FAM186B: variants seen among roughly 807,000 people sequenced by gnomAD.
FAM186B encodes family with sequence similarity 186 member B, also known as protein FAM186B.
FAM186B carries 68 observed loss-of-function variants against 83.4 expected under a neutral mutation model. That is an observed-to-expected ratio of 0.81 (90% CI 0.67 to 1.00). FAM186B has a LOEUF of 1.00. FAM186B is among the 50% of genes least tolerant of loss of function. The pLI is 0.00. For missense variants in FAM186B, 983 were observed against 1,099.2 expected (o/e 0.89, Z 1.49); for synonymous variants, 389 against 422.0 (o/e 0.92, Z 0.96).
chr12:49,591,284 C>T (rs1565805549), intron 5 of FAM186B, among the ~76,000 whole-genome samples: 2 of 152,094 alleles, frequency 1.3e-5, no homozygotes, highest in Non-Finnish European at 2.9e-5. Context: ...AGAGGGGTCC[C>T]GTTAAGTCTC....
At chr12:49,583,083 A>G (rs751894552), downstream of FAM186B, 74 of 456,190 alleles carry the variant, frequency 1.6e-4, no homozygotes, top group Non-Finnish European at 3.5e-5. Flanking sequence ...TTCAGCCACC[A>G]GGCCCCTTAA....
chr12:49,614,920 G>A, the FAM186B span, among the ~76,000 whole-genome samples: 1 of 152,174 alleles, frequency 6.6e-6, no homozygotes, highest in East Asian at 1.9e-4. Flanking sequence ...CACGAGGTCT[G>A]GAGATCGAGA....
Position 49,604,349 on chromosome 12 carries a change from G to T in FAM186B, c.286C>A (p.His96Asn). The change falls in exon 2 of 7, where the codon CAC becomes AAC. Residue 96 changes from histidine (H) to asparagine (N), a missense_variant. Transcript: ENST00000257894. ...AGCCAGCGGAGAATGTCATACAGGTGCTTCTCCTTCATCATAGCATCTTTG... is the reference window on the plus strand; with the variant it reads ...AGCCAGCGGAGAATGTCATACAGGTTCTTCTCCTTCATCATAGCATCTTTG... ...FSKDAMMKEK[H>N]LYDILRWLGD... 1 of 1,614,200 alleles carries T rather than the reference G, an allele frequency of 6.2e-7. No homozygotes were observed. Among genetic ancestry groups the T allele is most frequent in the Non-Finnish European group, 8.5e-7 (1 of 1,180,008 alleles).
chr12:49,600,850 G>C lies in FAM186B; in HGVS notation c.790C>G (p.Leu264Val). 1 of 1,612,876 alleles carries C rather than the reference G, an allele frequency of 6.2e-7. No individual in the cohort carries two copies. Among genetic ancestry groups the C allele is most frequent in the Non-Finnish European group, 8.5e-7 (1 of 1,179,576 alleles). ...AGCTCTTTGGTCGCCTGCATTTGCA[G>C]GTGCCTGTATTTGGTCTCCAGGCTC... ...NRSLETKYRH[L>V]QMQATKELSS... The change falls in exon 4 of 7, where the codon CTG becomes GTG. Residue 264 changes from leucine to valine, a missense_variant. Physicochemically the swap from Leu to Val is conservative, Grantham distance 32. Transcript: ENST00000257894. The surrounding 1 kb of genome is among the most constrained non-coding windows in gnomAD (Gnocchi z 4.3).
downstream of FAM186B, among the ~76,000 whole-genome samples, chr12:49,585,690 A>T (rs1209309494): frequency 6.6e-6 from 1 of 152,290 alleles, no homozygotes; most frequent in South Asian, 2.1e-4. Flanking sequence ...ATGAACCCAG[A>T]TGGGGCTGTG....
chr12:49,596,533 T>G (rs1939731195), intron 5 of FAM186B, among the ~76,000 whole-genome samples: 1 of 151,532 alleles, frequency 6.6e-6, no homozygotes, highest in Admixed American at 6.6e-5. Flanking sequence ...GAAAAGGTGC[T>G]CAGCATCATT....
the FAM186B span, among the ~76,000 whole-genome samples, chr12:49,622,118 T>C: frequency 6.6e-6 from 1 of 152,244 alleles, no homozygotes; most frequent in African/African-American, 2.4e-5. Flanking sequence ...CAATAATAGT[T>C]TGAAAATCGC....
upstream of FAM186B, among the ~76,000 whole-genome samples, chr12:49,609,075 T>C (rs926799680): frequency 2.0e-5 from 3 of 152,132 alleles, no homozygotes; most frequent in Admixed American, 2.0e-4. Context: ...ACAGCCAGAA[T>C]TGTAGAAAGC....
At chr12:49,614,585 A>C in the FAM186B span, among the ~76,000 whole-genome samples, 1 of 152,290 alleles carries the variant, frequency 6.6e-6, no homozygotes, top group South Asian at 2.1e-4. Flanking sequence ...GGGAAGCAGG[A>C]GGGAGAAAAG....
At chr12:49,585,804 CAGGAGCAGG>C (rs1939430275), downstream of FAM186B, among the ~76,000 whole-genome samples, 1 of 152,158 alleles carries the variant, frequency 6.6e-6, no homozygotes, top group African/African-American at 2.4e-5. Context: ...CATGGTGGGC[CAGGAGCAGG>C]TGGCCCGAGA....
chr12:49,588,290 C>T (rs1942371002), intron 6 of FAM186B, among the ~76,000 whole-genome samples, 164 bp downstream of exon 6: 1 of 152,200 alleles, frequency 6.6e-6, no homozygotes, highest in South Asian at 2.1e-4. Flanking sequence ...GGTCAGTGGC[C>T]AGCACTGGGG....
chr12:49,598,684 A>G (rs1332644865), intron 5 of FAM186B, 71 bp downstream of exon 5: 2 of 1,406,220 alleles, frequency 1.4e-6, no homozygotes, highest in East Asian at 2.4e-5. Flanking sequence ...GGTTCATTTC[A>G]GGCCCCAAGC....
chr12:49,611,788 G>A, the FAM186B span, among the ~76,000 whole-genome samples: 33 of 142,802 alleles, frequency 2.3e-4, no homozygotes, highest in African/African-American at 8.4e-4. Context: ...GAACCTGGGA[G>A]GCGGAGGTGG....
intron 2 of FAM186B, 29 bp downstream of exon 2, chr12:49,604,284 G>A: frequency 6.3e-7 from 1 of 1,583,008 alleles, no homozygotes; most frequent in Non-Finnish European, 8.7e-7. Flanking sequence ...CCTCCCAGAG[G>A]AGGCACGGTG....
At chr12:49,588,729 G>T in intron 5 of FAM186B, 106 bp from the exon 6 acceptor site, 1 of 1,157,864 alleles carries the variant, frequency 8.6e-7, no homozygotes. Flanking sequence ...ACTCAGGGCT[G>T]AGTGGAGAGG....
At chr12:49,619,305 G>A in the FAM186B span, 6 of 310,158 alleles carry the variant, frequency 1.9e-5, 1 homozygote, top group South Asian at 1.8e-4. Flanking sequence ...GGGTTTTCTC[G>A]CTCTAGGGAG....
intron 5 of FAM186B, among the ~76,000 whole-genome samples, chr12:49,590,168 C>T (rs1041314787): frequency 6.6e-6 from 1 of 150,734 alleles, no homozygotes; most frequent in Admixed American, 6.6e-5. Flanking sequence ...AGTATATAGA[C>T]AATTAGTGGT....
Position 49,588,572 on chromosome 12 carries a change from T to G in FAM186B, c.2416A>C (p.Lys806Gln). ...GCAGGCAACTTGCATTTCTTTGGCT[T>G]TGGCGAGGTGACCTCAGGGATGTTC... ...HLNIPEVTSPKPKKCKLPAAS... is the reference protein window; with the variant it reads ...HLNIPEVTSPQPKKCKLPAAS... The change falls in exon 6 of 7, where the codon AAG becomes CAG. Residue 806 changes from lysine (K) to glutamine (Q), a missense_variant. Coordinates refer to ENST00000257894, the MANE Select transcript of FAM186B (RefSeq NM_032130.3). 1 of 1,611,394 alleles carries G rather than the reference T, an allele frequency of 6.2e-7. No homozygotes were observed. The highest frequency in any genetic ancestry group is 8.5e-7 in the Non-Finnish European group (1 of 1,178,478).
chr12:49,595,245 C>T, intron 5 of FAM186B: 2 of 690,930 alleles, frequency 2.9e-6, no homozygotes, highest in South Asian at 1.4e-5. Context: ...CTGGAAAAGA[C>T]CCAGTACAGT....
Sources: allele counts gnomAD v4.1 joint callset (sites outside exome capture counted in the v4.1 genomes callset), GRCh38; gene constraint gnomAD v4.1.1; non-coding constraint Gnocchi (gnomAD v3.1); transcripts MANE v1.5; gene names NCBI Gene and HGNC (gene_info 2026-07-23, HGNC 2026-07-21).